The following CENPC variants were observed in gnomAD, a reference collection of about 807,000 sequenced individuals.
CENPC encodes the protein centromere protein C.
Under a neutral mutation model 112.1 loss-of-function variants are expected in CENPC, and 63 were observed. The ratio of observed to expected loss-of-function variants is 0.56; its 90% CI spans 0.46 to 0.69. The LOEUF (loss-of-function observed/expected upper bound fraction) is 0.69. Among genes scored for constraint, CENPC ranks in the 30% least tolerant of loss-of-function variants. The probability of loss-of-function intolerance (pLI) is 0.00; values close to 1 mark genes in which losing one functional copy is unlikely to be tolerated. For missense variants in CENPC, 1,000 were observed against 1,103.8 expected (o/e 0.91, Z 1.33); for synonymous variants, 333 against 367.6 (o/e 0.91, Z 1.08).
intron 17 of CENPC, among the ~76,000 whole-genome samples, chr4:67,476,143 G>A (rs1017446363): frequency 5.3e-5 from 8 of 152,178 alleles, no homozygotes; most frequent in African/African-American, 1.7e-4. Flanking sequence ...AGGAAAAAGT[G>A]GAGGATAGAA....
chr4:67,539,997 A>C (rs1578009776), intron 3 of CENPC, 63 bp from the exon 4 acceptor site: 1 of 831,042 alleles, frequency 1.2e-6, no homozygotes, highest in East Asian at 3.1e-5. Context: ...AGTCACAATT[A>C]AAAGTAGCTG....
chr4:67,530,908 T>G lies in CENPC; in HGVS notation c.238A>C (p.Lys80Gln), dbSNP rs760056168. The G allele has an allele frequency of 2.6e-6, 4 of 1,565,732 alleles. No individual in the cohort carries two copies. The highest frequency in any genetic ancestry group is 3.5e-6 in the Non-Finnish European group (4 of 1,142,404). ...CIQSPSKECQ[K>Q]SHPKSVPVSS... is the part of the protein sequence containing the mutation. ...ACTGGAACTGACTTTGGATGTGATT[T>G]CTGGCACTGAGCACAGAAGAAATAC... The change falls in exon 5 of 19, where the codon AAA (lysine) becomes CAA (glutamine). Residue 80 changes from lysine (K) to glutamine (Q), a missense_variant. Lys to Gln is a moderately conservative substitution (Grantham distance 53). Coordinates refer to ENST00000273853, the MANE Select transcript of CENPC (RefSeq NM_001812.4).
intron 5 of CENPC, among the ~76,000 whole-genome samples, chr4:67,525,839 A>T (rs1372309039): frequency 6.6e-6 from 1 of 152,246 alleles, no homozygotes; most frequent in African/African-American, 2.4e-5. Context: ...CCAAAGGATT[A>T]TAAATCATTC....
chr4:67,486,247 C>T (rs1322770004), intron 17 of CENPC, among the ~76,000 whole-genome samples: 1 of 152,040 alleles, frequency 6.6e-6, no homozygotes, highest in African/African-American at 2.4e-5. Flanking sequence ...AACCACCTGC[C>T]CAAGCCAGAG....
intron 17 of CENPC, among the ~76,000 whole-genome samples, chr4:67,480,499 A>G (rs1247555638): frequency 6.6e-6 from 1 of 152,184 alleles, no homozygotes; most frequent in African/African-American, 2.4e-5. Context: ...AAGCAGCAAG[A>G]TTGAAAAGGT....
At chr4:67,474,699 A>G (rs1258824934) in intron 18 of CENPC, 189 bp downstream of exon 18, 3 of 530,804 alleles carry the variant, frequency 5.7e-6, no homozygotes, top group African/African-American at 2.0e-5. Context: ...CTCTGTCTCA[A>G]AAACAAAAAA....
At chr4:67,481,185 C>T (rs10019340) in intron 17 of CENPC, among the ~76,000 whole-genome samples, 32,998 of 152,074 alleles carry the variant, frequency 0.22, 3,636 homozygotes, top group South Asian at 0.27. Context: ...AACTCAACTC[C>T]TTTTACAATA....
intron 5 of CENPC, among the ~76,000 whole-genome samples, chr4:67,521,373 T>A (rs1271092752): frequency 6.6e-6 from 1 of 151,918 alleles, no homozygotes; most frequent in Non-Finnish European, 1.5e-5. Context: ...TAGCATTTTT[T>A]AAAAAAAAGT....
chr4:67,510,383 T>C (rs964479525), intron 9 of CENPC, among the ~76,000 whole-genome samples: 1 of 152,216 alleles, frequency 6.6e-6, no homozygotes, highest in Admixed American at 6.6e-5. Flanking sequence ...GGTAGCTTGC[T>C]ATCACACATA....
chr4:67,491,466 TATATATATATATATAGAGAGAGAG>T (rs1262931201), intron 16 of CENPC, among the ~76,000 whole-genome samples: 19 of 61,310 alleles, frequency 3.1e-4, no homozygotes, highest in Admixed American at 1.9e-4. Flanking sequence ...TATATATATA[TATATATATATATATAGAGAGAGAG>T]AGAGAGAGAG....
intron 10 of CENPC, among the ~76,000 whole-genome samples, chr4:67,508,469 G>A (rs554226311): frequency 5.6e-5 from 7 of 125,992 alleles, no homozygotes; most frequent in South Asian, 2.6e-4. Context: ...CTATGATCAC[G>A]CCACTGCACT....
At chr4:67,510,728 G>A (rs1243467789) in intron 9 of CENPC, 1 of 292,404 alleles carries the variant, frequency 3.4e-6, no homozygotes, top group Non-Finnish European at 6.7e-6. Flanking sequence ...TATATGGAAG[G>A]GCAACAGTGT....
At chr4:67,542,904 G>GC (rs1482001904) in intron 2 of CENPC, among the ~76,000 whole-genome samples, 1 of 152,136 alleles carries the variant, frequency 6.6e-6, no homozygotes, top group Non-Finnish European at 1.5e-5. Flanking sequence ...AGGTGATAAT[G>GC]CAGAGTCACT....
chr4:67,539,333 A>G (rs1726816457), intron 4 of CENPC, among the ~76,000 whole-genome samples: 1 of 152,176 alleles, frequency 6.6e-6, no homozygotes, highest in South Asian at 2.1e-4. Context: ...TGATTTTTCT[A>G]ATTAGTATTG....
rs1725925421 is a variant in CENPC at position 67,512,544 on chromosome 4, T to C, written c.1470A>G (p.Lys490=). Residue 490 remains lysine, a synonymous_variant, in exon 9 of 19, where the codon AAA becomes AAG. Coordinates refer to ENST00000273853, the MANE Select transcript of CENPC (RefSeq NM_001812.4). ...GCTTCTTTTTAGATTCTTCCTTATCTTTTCTAGTGCTACTTTTCTTGCTTC... is the reference window on the plus strand; with the variant it reads ...GCTTCTTTTTAGATTCTTCCTTATCCTTTCTAGTGCTACTTTTCTTGCTTC... ...PVGSKKSSTR[K]DKEESKKKRF... The C allele has an allele frequency of 5.8e-6, 9 of 1,547,344 alleles. No homozygotes were observed. The highest frequency in any genetic ancestry group is 5.2e-6 in the Non-Finnish European group (6 of 1,151,114).
At chr4:67,524,712 C>A (rs1329683860) in intron 5 of CENPC, among the ~76,000 whole-genome samples, 2 of 152,120 alleles carry the variant, frequency 1.3e-5, no homozygotes, top group Non-Finnish European at 2.9e-5. Flanking sequence ...ATTCCATGCT[C>A]ATGGATATGA....
intron 4 of CENPC, among the ~76,000 whole-genome samples, chr4:67,534,517 C>G (rs886698591): frequency 2.0e-5 from 3 of 152,316 alleles, no homozygotes; most frequent in Non-Finnish European, 4.4e-5. Flanking sequence ...GCATAAGACA[C>G]AGGTGAAGTT....
At chr4:67,513,010 A>G (rs952422987) in intron 8 of CENPC, among the ~76,000 whole-genome samples, 2 of 152,190 alleles carry the variant, frequency 1.3e-5, no homozygotes, top group Non-Finnish European at 2.9e-5. Context: ...GGTTGACCCA[A>G]TCTAATTATG....
At chr4:67,495,128 T>G (rs1725394124) in intron 13 of CENPC, 31 bp downstream of exon 13, 1 of 1,472,032 alleles carries the variant, frequency 6.8e-7, no homozygotes, top group Non-Finnish European at 9.0e-7. Flanking sequence ...TTTTTCTCAA[T>G]GAAAATATTA....
Sources: allele counts gnomAD v4.1 joint callset (sites outside exome capture counted in the v4.1 genomes callset), GRCh38; gene constraint gnomAD v4.1.1; transcripts MANE v1.5; gene names NCBI Gene and HGNC (gene_info 2026-07-23, HGNC 2026-07-21).